The following LRMDA variants were observed in gnomAD, a reference collection of about 807,000 sequenced individuals.
LRMDA encodes leucine rich melanocyte differentiation associated.
In LRMDA, 18 loss-of-function variants were observed where a neutral mutation model predicts 29.8. The observed-to-expected ratio is 0.60, with a 90% CI of 0.42 to 0.90. LRMDA has a LOEUF of 0.90. Ranked by LOEUF, LRMDA falls within the 40% of genes least tolerant of loss-of-function variation. LRMDA has a pLI of 0.00. For missense variants in LRMDA, 273 were observed against 273.9 expected (o/e 1.00, Z 0.02); for synonymous variants, 125 against 109.4 (o/e 1.14, Z -0.89).
intron 2 of LRMDA, among the ~76,000 whole-genome samples, chr10:75,916,447 G>C (rs1212587168): frequency 6.6e-6 from 1 of 151,972 alleles, no homozygotes; most frequent in Non-Finnish European, 1.5e-5. Flanking sequence ...ATTTCCCAGC[G>C]CCTCATTCCC....
chr10:75,580,824 T>C (rs1396497764), intron 2 of LRMDA, among the ~76,000 whole-genome samples: 1 of 152,184 alleles, frequency 6.6e-6, no homozygotes, highest in Non-Finnish European at 1.5e-5. Context: ...GGGGAAAGGA[T>C]TCCCTATTTA....
intron 2 of LRMDA, among the ~76,000 whole-genome samples, chr10:75,845,220 T>A (rs61861030): frequency 6.8e-6 from 1 of 147,500 alleles, no homozygotes; most frequent in African/African-American, 2.5e-5. Flanking sequence ...GTTTTTTTTT[T>A]AAATGCAATA....
At chr10:75,691,668 GT>G (rs1396873468) in intron 2 of LRMDA, among the ~76,000 whole-genome samples, 2 of 152,024 alleles carry the variant, frequency 1.3e-5, no homozygotes, top group African/African-American at 4.8e-5. Context: ...TCTGCTCTGA[GT>G]TTTTTCTCTG....
chr10:75,818,195 A>T (rs1844093467), intron 2 of LRMDA, among the ~76,000 whole-genome samples: 1 of 152,032 alleles, frequency 6.6e-6, no homozygotes, highest in South Asian at 2.1e-4. Flanking sequence ...GAGTTAGGGG[A>T]GTTAGAGAGG....
chr10:76,473,159 A>T (rs1473277632), intron 6 of LRMDA, among the ~76,000 whole-genome samples: 1 of 151,630 alleles, frequency 6.6e-6, no homozygotes, highest in African/African-American at 2.4e-5. Context: ...TATTACACAC[A>T]ATGACCAAGT....
intron 2 of LRMDA, among the ~76,000 whole-genome samples, chr10:75,794,836 A>G (rs1843625224): frequency 6.6e-6 from 1 of 151,950 alleles, no homozygotes; most frequent in Admixed American, 6.6e-5. Context: ...TCCTATGTCT[A>G]TATTTATTTA....
At chr10:75,753,911 TG>T (rs959220616) in intron 2 of LRMDA, among the ~76,000 whole-genome samples, 1 of 152,184 alleles carries the variant, frequency 6.6e-6, no homozygotes, top group Non-Finnish European at 1.5e-5. Flanking sequence ...AGATTCAGGC[TG>T]TATTTTTAAG....
intron 6 of LRMDA, among the ~76,000 whole-genome samples, chr10:76,536,432 G>T (rs1843291864): frequency 1.3e-5 from 2 of 151,986 alleles, no homozygotes; most frequent in Non-Finnish European, 2.9e-5. Flanking sequence ...ACATCACTGG[G>T]GTCTCCGGGG....
intron 5 of LRMDA, among the ~76,000 whole-genome samples, chr10:76,235,529 GA>G (rs1852136030): frequency 6.6e-6 from 1 of 152,120 alleles, no homozygotes; most frequent in Non-Finnish European, 1.5e-5. Flanking sequence ...TATACCTGCA[GA>G]GGATTTCTGG....
At chr10:75,878,340 A>T (rs531120018) in intron 2 of LRMDA, among the ~76,000 whole-genome samples, 5 of 149,052 alleles carry the variant, frequency 3.4e-5, no homozygotes, top group African/African-American at 1.3e-4. Flanking sequence ...TGAGTGGTAG[A>T]AGTAGCTCTC....
chr10:76,132,255 AG>A lies in LRMDA; in HGVS notation c.516+73474del, dbSNP rs1243488832. ...GTGGTGATTTTGGAGCCCAAGAAGCAGGAAGGCAGGGTGAGAGCAGACCTGT... is the reference window on the plus strand; with the variant it reads ...GTGGTGATTTTGGAGCCCAAGAAGCAGAAGGCAGGGTGAGAGCAGACCTGT... On this transcript the variant is annotated intron_variant, in intron 5 of 6. Coordinates refer to ENST00000611255, the MANE Select transcript of LRMDA (RefSeq NM_001305581.2). 3.3e-5 allele frequency among the ~76,000 whole-genome samples: 5 copies of A among 152,288 alleles called. No individual in the cohort carries two copies. The South Asian group carries it at 8.3e-4, about 25-fold the overall frequency.
At chr10:76,253,625 C>A (rs1852527473) in intron 5 of LRMDA, among the ~76,000 whole-genome samples, 1 of 151,976 alleles carries the variant, frequency 6.6e-6, no homozygotes, top group Admixed American at 6.6e-5. Context: ...GCTCATATAT[C>A]ATATATTTAA....
At chr10:75,740,233 G>A (rs1842813039) in intron 2 of LRMDA, among the ~76,000 whole-genome samples, 1 of 152,228 alleles carries the variant, frequency 6.6e-6, no homozygotes, top group African/African-American at 2.4e-5. Context: ...TGATGGAGGT[G>A]CGATGTTCAG....
intron 2 of LRMDA, among the ~76,000 whole-genome samples, chr10:75,861,172 A>G (rs1844923026): frequency 6.6e-6 from 1 of 152,268 alleles, no homozygotes; most frequent in African/African-American, 2.4e-5. Flanking sequence ...AATGTCATAC[A>G]AATTATTTAT....
chr10:76,515,122 A>C lies in LRMDA; in HGVS notation c.602-42087A>C, dbSNP rs75064075. ...TGCCTTTCAGGGACTCTGAGAACTAAGAAATACCATGGTATGCTGTGATGT... is the reference window on the plus strand; with the variant it reads ...TGCCTTTCAGGGACTCTGAGAACTACGAAATACCATGGTATGCTGTGATGT... On this transcript the variant is annotated intron_variant, in intron 6 of 6. Transcript: ENST00000611255. Among the ~76,000 whole-genome samples the C allele has an allele frequency of 6.2e-3, 941 of 152,292 alleles. 6 individuals are homozygous for C. The highest frequency in any genetic ancestry group is 0.022 in the African/African-American group (912 of 41,568).
At position 76,558,869 on chromosome 10, in the gene LRMDA, T is replaced by C. The variant is rs1162499146; in HGVS notation, c.*1581T>C. On this transcript the variant is annotated 3_prime_UTR_variant, in exon 7 of 7. Coordinates refer to ENST00000611255, the MANE Select transcript of LRMDA (RefSeq NM_001305581.2). ...TACACAACCTTTGTTAATCAGTTCTTTAGACAAGTTAACATTAAAATCCTC... is the reference window on the plus strand; with the variant it reads ...TACACAACCTTTGTTAATCAGTTCTCTAGACAAGTTAACATTAAAATCCTC... The C allele has an allele frequency of 6.6e-6, 1 of 152,198 alleles. No homozygotes were observed. Among genetic ancestry groups the C allele is most frequent in the African/African-American group, 2.4e-5 (1 of 41,456 alleles). The allele number at this position is 152,198 out of a possible 1,614,324, so 9.4% of individuals were successfully genotyped here. A position where few individuals can be genotyped will look rare whatever the true frequency, so the allele number is the denominator to read the frequency against.
chr10:75,619,985 G>C (rs1479665185), intron 2 of LRMDA, among the ~76,000 whole-genome samples: 1 of 152,134 alleles, frequency 6.6e-6, no homozygotes, highest in Non-Finnish European at 1.5e-5. Flanking sequence ...AAAAGCATTA[G>C]CCCAGCTTTC....
At chr10:75,603,260 G>A (rs1475472870) in intron 2 of LRMDA, among the ~76,000 whole-genome samples, 1 of 151,392 alleles carries the variant, frequency 6.6e-6, no homozygotes, top group Non-Finnish European at 1.5e-5. Context: ...CATCTTTGGA[G>A]CTTCTCTTTT....
chr10:75,543,486 G>C (rs975772513), intron 2 of LRMDA, among the ~76,000 whole-genome samples: 19 of 152,050 alleles, frequency 1.2e-4, no homozygotes, highest in Non-Finnish European at 2.8e-4. Context: ...GAGGAGGAGA[G>C]AGGAAGGATC....
Sources: gnomAD v4.1 joint callset for allele counts (sites outside exome capture counted in the v4.1 genomes callset) on GRCh38, gnomAD v4.1.1 for gene constraint, MANE v1.5 for transcripts, NCBI Gene and HGNC (gene_info 2026-07-23, HGNC 2026-07-21) for gene names.